COL5A3: variants seen among roughly 807,000 people sequenced by gnomAD.
COL5A3 encodes the protein collagen type V alpha 3 chain.
A neutral mutation model predicts 250.0 loss-of-function variants in COL5A3; 172 were observed. The observed-to-expected ratio is 0.69, with a 90% CI of 0.61 to 0.78. The LOEUF is 0.78. Among genes scored for constraint, COL5A3 ranks in the 30% least tolerant of loss-of-function variants. COL5A3 has a pLI of 0.00. For synonymous variants in COL5A3, 937 were observed against 900.4 expected (o/e 1.04, Z -0.73); for missense variants, 2,340 against 2,334.4 (o/e 1.00, Z -0.05).
At chr19:9,997,592 C>T (rs921065190) in intron 10 of COL5A3, among the ~76,000 whole-genome samples, 159 bp from the exon 11 acceptor site, 1 of 152,026 alleles carries the variant, frequency 6.6e-6, no homozygotes, top group East Asian at 1.9e-4. Context: ...TCACCCCCAA[C>T]GCTACTCTCG....
chr19:10,006,350 A>C, intron 1 of COL5A3, 119 bp from the exon 2 acceptor site: 1 of 946,460 alleles, frequency 1.1e-6, no homozygotes, highest in Non-Finnish European at 1.5e-6. Context: ...CCTCCCTCCC[A>C]CCATGTTTGT....
At chr19:9,962,168 A>G (rs2086683777) in intron 65 of COL5A3, among the ~76,000 whole-genome samples, 1 of 151,382 alleles carries the variant, frequency 6.6e-6, no homozygotes, top group South Asian at 2.1e-4. Flanking sequence ...GTGCAGTGGC[A>G]CGGTTTTGGC....
At position 10,005,855 on chromosome 19, in the gene COL5A3, C is replaced by T. The variant is rs747258146; in HGVS notation, c.378G>A (p.Leu126=). ...GGCGGAAGGGGTCACCTAGGAGACCCAGCGCTGGCCCCAGTGCCAGGCCCA... is the reference window on the plus strand; with the variant it reads ...GGCGGAAGGGGTCACCTAGGAGACCTAGCGCTGGCCCCAGTGCCAGGCCCA... ...RQLGLALGPA[L]GLLGDPFRPL... The change falls in exon 3 of 67, where the codon CTG becomes CTA. Residue 126 remains leucine (L), a synonymous_variant. Transcript: ENST00000264828. 3.1e-6 allele frequency: 5 copies of T among 1,613,744 alleles called. No homozygotes were observed. The highest frequency in any genetic ancestry group is 1.7e-4 in the Middle Eastern group (1 of 6,042).
At chr19:9,970,330 G>T (rs1453934644) in intron 54 of COL5A3, among the ~76,000 whole-genome samples, 3 of 120,760 alleles carry the variant, frequency 2.5e-5, no homozygotes, top group East Asian at 2.7e-4. Flanking sequence ...GGTGAGTGGG[G>T]TCTGTGGGTG....
intron 27 of COL5A3, among the ~76,000 whole-genome samples, chr19:9,988,874 A>AAAAGG: frequency 6.6e-6 from 1 of 150,530 alleles, no homozygotes; most frequent in African/African-American, 2.4e-5. Flanking sequence ...TAAAGAAAAG[A>AAAAGG]AAAGGAAAAA....
Position 10,006,221 on chromosome 19 carries a change from A to T in COL5A3, c.99T>A (p.Asp33Glu). The change falls in exon 2 of 67, where the codon GAT becomes GAA. Residue 33 changes from aspartate to glutamate, a missense_variant. By Grantham distance (45) the Asp-to-Glu change is conservative (BLOSUM62 2). Around this residue, in one of 3 missense-constraint regions of COL5A3, gnomAD observed 1,152 missense variants for 1,146.3 expected, o/e 1.00. Transcript: ENST00000264828. ...CCTGCACACCCAGGGCCTTCAGGAC[A>T]TCCACAGGATCTGCAGCAGAGAGAA... ...LLPGTQADPV[D>E]VLKALGVQGG... 4.4e-6 allele frequency: 7 copies of T among 1,598,588 alleles called. No individual in the cohort carries two copies. The highest frequency in any genetic ancestry group is 5.1e-6 in the Non-Finnish European group (6 of 1,173,204).
chr19:9,991,828 T>G lies in COL5A3; in HGVS notation c.1907A>C (p.Glu636Ala), dbSNP rs772091169. 3.7e-6 allele frequency: 6 copies of G among 1,609,204 alleles called. No individual in the cohort carries two copies. In the East Asian group the frequency reaches 1.1e-4, roughly 30 times the overall value. ...TCCCTGCTGTCCCGGAGGGCCTGGT[T>G]CTCCTGGAGGACCCTGGGGAGAAAG... Reference protein sequence around the residue: ...GAKGNVGPPGEPGPPGQQGNH... With the variant: ...GAKGNVGPPGAPGPPGQQGNH... The change falls in exon 23 of 67, where the codon GAA becomes GCA. Residue 636 changes from glutamate to alanine, a missense_variant. Glu to Ala is a moderately radical substitution (Grantham distance 107). Around this residue, in one of 3 missense-constraint regions of COL5A3, gnomAD observed 1,152 missense variants for 1,146.3 expected, o/e 1.00. Transcript: ENST00000264828.
Position 9,988,855 on chromosome 19 carries a change from A to AAAAAAAGAGAGAAAG in COL5A3, c.2145+268_2145+269insCTTTCTCTCTTTTTT, listed in dbSNP as rs1269531312. 1.7e-3 allele frequency among the ~76,000 whole-genome samples: 174 copies of AAAAAAAGAGAGAAAG among 104,628 alleles called. 1 individual carries two copies. Among genetic ancestry groups the AAAAAAAGAGAGAAAG allele is most frequent in the Admixed American group, 4.9e-3 (51 of 10,362 alleles). The allele number at this position is 104,628 out of a possible 152,430, so 68.6% of individuals were successfully genotyped here. ...TCTCAAAAAAAAAAAAAAAAAAAAA[A>AAAAAAAGAGAGAAAG]AAAGAAAGTAAAGAAAAGAAAAGGA... On this transcript the variant is annotated intron_variant, in intron 27 of 66. Transcript: ENST00000264828.
chr19:9,992,849 G>C lies in COL5A3; in HGVS notation c.1826C>G (p.Ser609Cys). Residue 609 changes from serine to cysteine, a missense_variant, in exon 21 of 67, where the codon TCT (serine) becomes TGT (cysteine). Physicochemically the swap from Ser to Cys is moderately radical, Grantham distance 112. Coordinates refer to ENST00000264828, the MANE Select transcript of COL5A3 (RefSeq NM_015719.4). ...GPRGLLGPRG[S>C]PGPTGRPGVT... ...CACCGGGCGACCCGTGGGGCCAGGAGAGCCTCTGGGGCCAAGCAGTCCTCG... is the reference window on the plus strand; with the variant it reads ...CACCGGGCGACCCGTGGGGCCAGGACAGCCTCTGGGGCCAAGCAGTCCTCG... 2 of 1,614,180 alleles carry C rather than the reference G, an allele frequency of 1.2e-6. No individual in the cohort carries two copies. Among genetic ancestry groups the C allele is most frequent in the Non-Finnish European group, 1.7e-6 (2 of 1,180,006 alleles).
chr19:9,975,685 G>T (rs967855286), intron 45 of COL5A3, among the ~76,000 whole-genome samples: 1 of 151,886 alleles, frequency 6.6e-6, no homozygotes, highest in Non-Finnish European at 1.5e-5. Flanking sequence ...ACATGGTTGG[G>T]TTGGGACTGG....
Position 10,005,877 on chromosome 19 carries a change from C to T in COL5A3, c.356G>A (p.Gly119Asp), listed in dbSNP as rs368344520. ...IYDERGARQL[G>D]LALGPALGLL... ...ACCCAGCGCTGGCCCCAGTGCCAGG[C>T]CCAACTGCCGGGCACCCCTTTCATC... The change falls in exon 3 of 67, where the codon GGC (glycine) becomes GAC (aspartate). Residue 119 changes from glycine to aspartate, a missense_variant. Around this residue, in one of 3 missense-constraint regions of COL5A3, gnomAD observed 1,152 missense variants for 1,146.3 expected, o/e 1.00. Coordinates refer to ENST00000264828, the MANE Select transcript of COL5A3 (RefSeq NM_015719.4). 60 of 1,613,878 alleles carry T rather than the reference C, an allele frequency of 3.7e-5. No individual in the cohort carries two copies. In the Admixed American group the frequency reaches 5.5e-4, roughly 15 times the overall value.
intron 27 of COL5A3, among the ~76,000 whole-genome samples, chr19:9,987,056 T>A (rs996553558): frequency 3.9e-5 from 6 of 152,096 alleles, no homozygotes; most frequent in Admixed American, 3.3e-4. Context: ...GGATGAACAT[T>A]CCAGGCCCGG....
chr19:10,003,604 A>T lies in COL5A3; in HGVS notation c.810T>A (p.Ile270=), dbSNP rs2087394435. The change falls in exon 6 of 67, where the codon ATT becomes ATA. Residue 270 remains isoleucine (I), a synonymous_variant. Coordinates refer to ENST00000264828, the MANE Select transcript of COL5A3 (RefSeq NM_015719.4). ...KGKGRKKNKE[I]WTSSPPPDSA... Reference sequence around the variant, plus strand: ...AGTCAGGAGGTGGACTTGAGGTCCAAATTTCCTTGTTCTTTTTCCTGCCCT... The same window carrying T: ...AGTCAGGAGGTGGACTTGAGGTCCATATTTCCTTGTTCTTTTTCCTGCCCT... 1.2e-6 allele frequency: 2 copies of T among 1,614,072 alleles called. No individual in the cohort carries two copies. The highest frequency in any genetic ancestry group is 1.3e-5 in the African/African-American group (1 of 75,018).
chr19:10,007,138 T>C (rs1174466995), intron 1 of COL5A3, among the ~76,000 whole-genome samples: 1 of 137,420 alleles, frequency 7.3e-6, no homozygotes, highest in Non-Finnish European at 1.6e-5. Context: ...CCTCTGAGCC[T>C]CCCCTCTGAT....
At chr19:9,970,160 TG>T (rs367658739) in intron 54 of COL5A3, among the ~76,000 whole-genome samples, 13 of 25,246 alleles carry the variant, frequency 5.1e-4, no homozygotes, top group African/African-American at 1.5e-3. Flanking sequence ...GTGGGGTCTG[TG>T]GGGTGAGTGG....
intron 24 of COL5A3, among the ~76,000 whole-genome samples, chr19:9,990,405 A>C (rs1332446895): frequency 1.3e-5 from 2 of 151,674 alleles, no homozygotes; most frequent in East Asian, 2.0e-4. Flanking sequence ...AAAAAAAAAA[A>C]AAACTAAAAT....
At chr19:9,998,691 T>C (rs1193040930) in intron 8 of COL5A3, among the ~76,000 whole-genome samples, 19 of 112,998 alleles carry the variant, frequency 1.7e-4, no homozygotes, top group African/African-American at 1.1e-3. Flanking sequence ...TTCTTTCTTC[T>C]TTTTTTTTTT....
chr19:9,976,284 G>A (rs2086921027), intron 45 of COL5A3, among the ~76,000 whole-genome samples: 2 of 151,672 alleles, frequency 1.3e-5, no homozygotes, highest in South Asian at 4.2e-4. Context: ...GGTTCATACT[G>A]GGTGTTTGTA....
chr19:9,976,218 G>T (rs1484006871), intron 45 of COL5A3, among the ~76,000 whole-genome samples: 2 of 152,082 alleles, frequency 1.3e-5, no homozygotes, highest in African/African-American at 4.8e-5. Context: ...CACATTGGAT[G>T]TTGGTATTGA....
Sources: allele counts gnomAD v4.1 joint callset (sites outside exome capture counted in the v4.1 genomes callset), GRCh38; gene constraint gnomAD v4.1.1; regional missense constraint gnomAD v4.1.1; transcripts MANE v1.5; gene names NCBI Gene and HGNC (gene_info 2026-07-23, HGNC 2026-07-21).